ADGRV1: variants seen among roughly 807,000 people sequenced by gnomAD.
ADGRV1 encodes G-protein coupled receptor 98.
In ADGRV1, 359 loss-of-function variants were observed where a neutral mutation model predicts 596.2. That is an observed-to-expected ratio of 0.60 (90% CI 0.55 to 0.66). The LOEUF (loss-of-function observed/expected upper bound fraction) is 0.66, where lower values mean the gene tolerates loss of function less well. ADGRV1 is among the 30% of genes least tolerant of loss of function. The pLI, the probability that ADGRV1 is intolerant of heterozygous loss-of-function variation, is 0.00. For missense variants in ADGRV1, 7,274 were observed against 7,575.6 expected (o/e 0.96, Z 1.48); for synonymous variants, 2,681 against 2,679.2 (o/e 1.00, Z -0.02).
At chr5:91,016,985 T>C (rs1418286827) in intron 85 of ADGRV1, among the ~76,000 whole-genome samples, 1 of 151,934 alleles carries the variant, frequency 6.6e-6, no homozygotes, top group Non-Finnish European at 1.5e-5. Flanking sequence ...ATTCAGGATA[T>C]AAACTGAAGA....
chr5:90,933,904 T>C (rs1268368776), intron 83 of ADGRV1, among the ~76,000 whole-genome samples: 1 of 152,212 alleles, frequency 6.6e-6, no homozygotes, highest in African/African-American at 2.4e-5. Flanking sequence ...CCTTTGGCCT[T>C]ATTCTGTGGC....
rs1398280826 is a variant in ADGRV1 at position 90,720,198 on chromosome 5, T to C, written c.9598T>C (p.Phe3200Leu). ...GCAAAACCAGGCCCCTTTGGGGCTA[T>C]TCAGTATCTCTGCAGTTGAAAATAG... Reference protein sequence around the residue: ...VLQNQAPLGLFSISAVENRAT... With the variant: ...VLQNQAPLGLLSISAVENRAT... The change falls in exon 44 of 90, where the codon TTC becomes CTC. Residue 3200 changes from phenylalanine (F) to leucine (L), a missense_variant. Physicochemically the swap from Phe to Leu is conservative, Grantham distance 22. This residue lies in a region of ADGRV1 where 3,643 missense variants were observed against 3,809.2 expected (regional missense o/e 0.96). Coordinates refer to ENST00000405460, the MANE Select transcript of ADGRV1 (RefSeq NM_032119.4). The C allele has an allele frequency of 6.3e-7, 1 of 1,587,960 alleles. No individual in the cohort carries two copies. The highest frequency in any genetic ancestry group is 1.2e-5 in the South Asian group (1 of 85,214).
intron 87 of ADGRV1, among the ~76,000 whole-genome samples, chr5:91,142,229 A>C (rs1171893577): frequency 6.6e-6 from 1 of 152,180 alleles, no homozygotes; most frequent in Non-Finnish European, 1.5e-5. Flanking sequence ...CTTATTTAAC[A>C]AATATTTCCT....
At chr5:90,703,282 T>A (rs1748146850) in intron 34 of ADGRV1, among the ~76,000 whole-genome samples, 2 of 152,110 alleles carry the variant, frequency 1.3e-5, no homozygotes, top group Admixed American at 1.3e-4. Flanking sequence ...TGTAAGGATT[T>A]GTGCCCTTTT....
chr5:90,886,401 G>A (rs1028479383), intron 83 of ADGRV1, among the ~76,000 whole-genome samples: 20 of 152,124 alleles, frequency 1.3e-4, no homozygotes, highest in Admixed American at 6.5e-4. Context: ...ACAAAGTACT[G>A]GGATGAGACA....
At chr5:91,097,811 C>T (rs960384686) in intron 86 of ADGRV1, among the ~76,000 whole-genome samples, 1 of 152,056 alleles carries the variant, frequency 6.6e-6, no homozygotes, top group African/African-American at 2.4e-5. Context: ...ATCTTCGTTT[C>T]CCTAATGACT....
chr5:90,996,040 G>A (rs756091976), intron 85 of ADGRV1, among the ~76,000 whole-genome samples: 1 of 152,208 alleles, frequency 6.6e-6, no homozygotes, highest in Admixed American at 6.5e-5. Flanking sequence ...AAGCATAAAA[G>A]TTTGGAAAAT....
At chr5:90,706,518 A>G (rs1580807772) in intron 38 of ADGRV1, 124 bp downstream of exon 38, 1 of 825,378 alleles carries the variant, frequency 1.2e-6, no homozygotes, top group Non-Finnish European at 1.8e-6. Flanking sequence ...TACATGTGCC[A>G]TGTTGGTGTG....
At chr5:91,129,628 A>G (rs73771190) in intron 87 of ADGRV1, among the ~76,000 whole-genome samples, 1,605 of 152,366 alleles carry the variant, frequency 0.011, 38 homozygotes, top group African/African-American at 0.037. Flanking sequence ...TTAGTTGTCT[A>G]CAGAAAAGTA....
At chr5:91,054,102 T>TGTGTGAGAGA (rs1299621929) in intron 85 of ADGRV1, among the ~76,000 whole-genome samples, 431 of 126,718 alleles carry the variant, frequency 3.4e-3, no homozygotes, top group African/African-American at 7.8e-3. Context: ...TGTGTGTGTG[T>TGTGTGAGAGA]GAGAGAGAGA....
At chr5:91,105,950 T>A (rs1791828116) in intron 87 of ADGRV1, among the ~76,000 whole-genome samples, 2 of 150,892 alleles carry the variant, frequency 1.3e-5, no homozygotes, top group Admixed American at 1.3e-4. Context: ...ATAAACCTTT[T>A]ATTTATATTT....
intron 64 of ADGRV1, 57 bp downstream of exon 64, chr5:90,779,154 A>G: frequency 9.6e-7 from 1 of 1,046,544 alleles, no homozygotes; most frequent in Middle Eastern, 2.0e-4. Flanking sequence ...AAAGAGAGAA[A>G]GTTCTATTGT....
chr5:91,078,687 G>A (rs1789063113), intron 86 of ADGRV1, among the ~76,000 whole-genome samples: 2 of 152,234 alleles, frequency 1.3e-5, no homozygotes, highest in African/African-American at 4.8e-5. Flanking sequence ...TGCAAAGGCA[G>A]GCTCAGCCAG....
chr5:90,790,160 CT>C (rs1759908667), intron 69 of ADGRV1, among the ~76,000 whole-genome samples: 1 of 152,132 alleles, frequency 6.6e-6, no homozygotes, highest in African/African-American at 2.4e-5. Context: ...CTACTTAAGC[CT>C]CTCAATGATT....
intron 83 of ADGRV1, among the ~76,000 whole-genome samples, chr5:90,909,380 C>A (rs1176640352): frequency 6.6e-6 from 1 of 152,070 alleles, no homozygotes; most frequent in African/African-American, 2.4e-5. Context: ...CCTTTCTTGT[C>A]TGCCCTCCTG....
intron 83 of ADGRV1, among the ~76,000 whole-genome samples, chr5:90,957,840 A>G (rs558450370): frequency 4.0e-5 from 6 of 151,606 alleles, no homozygotes; most frequent in Non-Finnish European, 8.8e-5. Flanking sequence ...TTCATGCTAT[A>G]TATGAAGTAG....
intron 85 of ADGRV1, among the ~76,000 whole-genome samples, chr5:90,993,996 T>C (rs1466670296): frequency 6.6e-6 from 1 of 151,858 alleles, no homozygotes; most frequent in Non-Finnish European, 1.5e-5. Context: ...TTTTTCTTCC[T>C]GGTTATACCT....
At chr5:90,662,902 A>G (rs1378354982) in intron 21 of ADGRV1, among the ~76,000 whole-genome samples, 5 of 151,468 alleles carry the variant, frequency 3.3e-5, no homozygotes, top group Non-Finnish European at 5.9e-5. Context: ...GAGAATGATG[A>G]TTTCCAGTTT....
chr5:90,722,633 T>G (rs1270425365), intron 45 of ADGRV1, among the ~76,000 whole-genome samples: 1 of 139,582 alleles, frequency 7.2e-6, no homozygotes, highest in African/African-American at 2.7e-5. Flanking sequence ...GAGAATCGCT[T>G]GAACCTGGGA....
Sources: gnomAD v4.1 joint callset for allele counts (sites outside exome capture counted in the v4.1 genomes callset) on GRCh38, gnomAD v4.1.1 for gene constraint, gnomAD v4.1.1 regional missense constraint, MANE v1.5 for transcripts, NCBI Gene and HGNC (gene_info 2026-07-23, HGNC 2026-07-21) for gene names.